ALG1L2: variants seen among roughly 807,000 people sequenced by gnomAD.
ALG1L2 encodes ALG1 chitobiosyldiphosphodolichol beta-mannosyltransferase like 2.
Under a neutral mutation model 29.0 loss-of-function variants are expected in ALG1L2, and 32 were observed. The observed-to-expected ratio is 1.10, with a 90% confidence interval of 0.83 to 1.48. The LOEUF is 1.48. Among genes scored for constraint, ALG1L2 ranks in the 40% most tolerant of loss-of-function variants. The pLI is 0.00. For synonymous variants in ALG1L2, 110 were observed against 109.5 expected (o/e 1.00, Z -0.03); for missense variants, 318 against 274.1 (o/e 1.16, Z -1.13).
rs745792094 is a variant in ALG1L2, at chr3:130,094,436, T to C, written c.347T>C (p.Leu116Pro). 8 of 1,596,304 alleles carry C rather than the reference T, an allele frequency of 5.0e-6. No homozygotes were observed. Residue 116 changes from leucine to proline, a missense_variant, in exon 5 of 8, where the codon CTC becomes CCC. Leu to Pro is a moderately conservative substitution (Grantham distance 98). Transcript: ENST00000425059. ...KGPLREYYSR[L>P]IHQKHFQHIQ... ...CCTCTGAGGGAGTATTACAGCCGCCTCATCCACCAGAAGCATTTCCAGCAC... is the reference window on the plus strand; with the variant it reads ...CCTCTGAGGGAGTATTACAGCCGCCCCATCCACCAGAAGCATTTCCAGCAC...
At chr3:130,091,925 A>G in intron 2 of ALG1L2, 176 bp from the exon 3 acceptor site, 1 of 1,005,824 alleles carries the variant, frequency 9.9e-7, no homozygotes, top group East Asian at 2.6e-5. Flanking sequence ...GCACCCAGCA[A>G]CAATATTAGA....
intron 5 of ALG1L2, among the ~76,000 whole-genome samples, chr3:130,095,489 G>A (rs1268121647): frequency 6.6e-6 from 1 of 151,790 alleles, no homozygotes; most frequent in Non-Finnish European, 1.5e-5. Flanking sequence ...AGGCTGGAGT[G>A]CAATGGTGCG....
At chr3:130,087,629 C>A (rs554104598) in intron 1 of ALG1L2, among the ~76,000 whole-genome samples, 18 of 132,700 alleles carry the variant, frequency 1.4e-4, no homozygotes, top group Non-Finnish European at 3.0e-4. Context: ...TCTTCTGCCA[C>A]TTGGAAAATA....
At chr3:130,098,112 A>C in intron 7 of ALG1L2, 111 bp from the exon 8 acceptor site, 1 of 1,421,648 alleles carries the variant, frequency 7.0e-7, no homozygotes, top group Non-Finnish European at 9.6e-7. Context: ...AGTCCAAGTG[A>C]GGGAGCTAGG....
At chr3:130,094,572 GT>G in intron 5 of ALG1L2, 59 bp downstream of exon 5, 2 of 1,238,712 alleles carry the variant, frequency 1.6e-6, no homozygotes, top group Non-Finnish European at 2.2e-6. Flanking sequence ...GGGAACAGGG[GT>G]GGGCGGGGTG....
At position 130,096,091 on chromosome 3, in the gene ALG1L2, GC is replaced by G. The variant is rs55800015; in HGVS notation, c.469del (p.Leu157TrpfsTer5). On this transcript the variant is annotated frameshift_variant, in exon 6 of 8. Transcript: ENST00000425059. LOFTEE classifies it high-confidence loss of function. ...GTCTGTCTGGACACGTCCTCCAGTG[GC>G]CTGGACCTGCCCATGAAGGTGGTGG... ...LDVCLDTSSSGLDLPMKVVDM... is the reference protein window; with the variant it reads ...LDVCLDTSSSXLDLPMKVVDM... The G allele has an allele frequency of 0.68, 1,098,380 of 1,610,632 alleles. 384,524 individuals carry two copies. The highest frequency in any genetic ancestry group is 0.77 in the Middle Eastern group (3,417 of 4,426).
chr3:130,086,443 G>GA (rs1315356778), intron 1 of ALG1L2, among the ~76,000 whole-genome samples: 1 of 150,586 alleles, frequency 6.6e-6, no homozygotes, highest in East Asian at 1.9e-4. Context: ...AAGGCGGGAG[G>GA]ATCCCTTGAA....
Position 130,085,433 on chromosome 3 carries a change from T to A in ALG1L2, c.20+3397T>A, listed in dbSNP as rs78478192. ...AATCTTTTTAATAGAGATAGGAGTC[T>A]CCCTATGTCTGCCAGGTTGGTCTTG... On this transcript the variant is annotated intron_variant, in intron 1 of 7. Coordinates refer to ENST00000425059, the MANE Select transcript of ALG1L2 (RefSeq NM_001136152.1). Among the ~76,000 whole-genome samples the A allele has an allele frequency of 2.2e-3, 142 of 63,786 alleles. 1 individual carries two copies. Among genetic ancestry groups the A allele is most frequent in the Middle Eastern group, 0.011 (1 of 90 alleles). 41.8% of individuals were successfully genotyped at this position (63,786 alleles called of 152,430 possible). A position where few individuals can be genotyped will look rare whatever the true frequency, so the allele number is the denominator to read the frequency against.
At chr3:130,093,338 A>G (rs1480555332) in intron 4 of ALG1L2, among the ~76,000 whole-genome samples, 178 bp downstream of exon 4, 2 of 152,000 alleles carry the variant, frequency 1.3e-5, no homozygotes, top group Non-Finnish European at 2.9e-5. Context: ...GTTTCACAGC[A>G]GGGCAGGGAG....
Position 130,096,142 on chromosome 3 carries a change from C to T in ALG1L2, c.518C>T (p.Ala173Val), listed in dbSNP as rs187024060. ...GACATGTTCAGGTGCTGTTTGCCTGCGTGTGCCGTGAACTTCAAGTGGTAG... is the reference window on the plus strand; with the variant it reads ...GACATGTTCAGGTGCTGTTTGCCTGTGTGTGCCGTGAACTTCAAGTGGTAG... ...VVDMFRCCLP[A>V]CAVNFKCLHE... The change falls in exon 6 of 8, where the codon GCG becomes GTG. Residue 173 changes from alanine to valine, a missense_variant. Coordinates refer to ENST00000425059, the MANE Select transcript of ALG1L2 (RefSeq NM_001136152.1). 2.1e-4 allele frequency: 337 copies of T among 1,610,924 alleles called. 1 individual carries two copies. The East Asian group carries it at 2.8e-3, about 14-fold the overall frequency.
At chr3:130,094,735 G>T (rs1471864243) in intron 5 of ALG1L2, among the ~76,000 whole-genome samples, 1 of 152,196 alleles carries the variant, frequency 6.6e-6, no homozygotes, top group Non-Finnish European at 1.5e-5. Flanking sequence ...AGGAAGCCAC[G>T]TCCTTTCAGC....
chr3:130,097,973 G>A (rs964096483), intron 7 of ALG1L2, among the ~76,000 whole-genome samples: 1 of 152,224 alleles, frequency 6.6e-6, no homozygotes. Flanking sequence ...GCTCACAGGG[G>A]AACGTACATC....
chr3:130,095,968 G>C, intron 5 of ALG1L2, 81 bp from the exon 6 acceptor site: 1 of 1,443,884 alleles, frequency 6.9e-7, no homozygotes, highest in Non-Finnish European at 9.5e-7. Context: ...CCCCTCGGGG[G>C]GTGTTGCCTC....
Position 130,098,314 on chromosome 3 carries a change from T to G in ALG1L2, c.*59T>G. On this transcript the variant is annotated 3_prime_UTR_variant, in exon 8 of 8. Coordinates refer to ENST00000425059, the MANE Select transcript of ALG1L2 (RefSeq NM_001136152.1). ...CCTGCGGGAGTCGCAGCAGCTCTGATGGGATGAGAGCTGGGTGCAGACTGT... is the reference window on the plus strand; with the variant it reads ...CCTGCGGGAGTCGCAGCAGCTCTGAGGGGATGAGAGCTGGGTGCAGACTGT... 1 of 1,596,416 alleles carries G rather than the reference T, an allele frequency of 6.3e-7. No individual in the cohort carries two copies. Among genetic ancestry groups the G allele is most frequent in the South Asian group, 1.1e-5 (1 of 90,984 alleles).
intron 1 of ALG1L2, among the ~76,000 whole-genome samples, chr3:130,085,519 G>C (rs75412396): frequency 6.9e-6 from 1 of 144,522 alleles, no homozygotes; most frequent in Non-Finnish European, 1.5e-5. Context: ...TTACAGGCAT[G>C]AGCCACTGCA....
chr3:130,097,704 T>C (rs1935173605), intron 7 of ALG1L2, among the ~76,000 whole-genome samples: 2 of 152,186 alleles, frequency 1.3e-5, no homozygotes, highest in South Asian at 4.1e-4. Flanking sequence ...CAGAAGTCAT[T>C]TAGACTGGGT....
rs1258876727 is a variant in ALG1L2 at position 130,083,770 on chromosome 3, C to T, written c.20+1734C>T. Among the ~76,000 whole-genome samples the T allele has an allele frequency of 3.7e-5, 5 of 135,180 alleles. No homozygotes were observed. The Admixed American group carries it at 3.8e-4, about 10-fold the overall frequency. 88.7% of individuals were successfully genotyped at this position (135,180 alleles called of 152,430 possible). A position where few individuals can be genotyped will look rare whatever the true frequency, so the allele number is the denominator to read the frequency against. ...TTTATATGTTAATACTTCAGCAGTG[C>T]TTTTTCCTCTGATTTTTGAATAAGG... On this transcript the variant is annotated intron_variant, in intron 1 of 7. Transcript: ENST00000425059.
intron 1 of ALG1L2, among the ~76,000 whole-genome samples, chr3:130,089,680 G>T (rs894395796): frequency 4.6e-5 from 7 of 152,404 alleles, no homozygotes; most frequent in Non-Finnish European, 8.8e-5. Flanking sequence ...TATTTCTATT[G>T]GACAGCTCTG....
chr3:130,091,262 G>A lies in ALG1L2; in HGVS notation c.22G>A (p.Ala8Thr), dbSNP rs753068506. The A allele has an allele frequency of 1.8e-5, 29 of 1,598,792 alleles. No individual in the cohort carries two copies. The Middle Eastern group carries it at 6.7e-4, about 37-fold the overall frequency. Residue 8 changes from alanine to threonine, a missense_variant and splice_region_variant, in exon 2 of 8, where the codon GCT becomes ACT. Ala to Thr is a moderately conservative substitution (Grantham distance 58). Coordinates refer to ENST00000425059, the MANE Select transcript of ALG1L2 (RefSeq NM_001136152.1). Reference protein sequence around the residue: MGATAGWAVTVYDKPASF... With the variant: MGATAGWTVTVYDKPASF... ...AGCCCTGCCATGATTTCATTGCAGG[G>A]CTGTGACCGTCTACGACAAGCCGGC...
Sources: gnomAD v4.1 joint callset for allele counts (sites outside exome capture counted in the v4.1 genomes callset) on GRCh38, gnomAD v4.1.1 for gene constraint, MANE v1.5 for transcripts, NCBI Gene and HGNC (gene_info 2026-07-23, HGNC 2026-07-21) for gene names.